Variants in MTMR9 observed in about 807,000 individuals in gnomAD.
The protein encoded by MTMR9 is myotubularin-related protein 9.
In MTMR9, 39 loss-of-function variants were observed where a neutral mutation model predicts 69.5. The observed-to-expected ratio is 0.56, with a 90% confidence interval of 0.43 to 0.73. MTMR9 has a LOEUF of 0.73. MTMR9 is among the 30% of genes least tolerant of loss of function. The pLI is 0.00. For synonymous variants in MTMR9, 354 were observed against 240.8 expected, an observed-to-expected ratio of 1.47 and a Z score of -4.35; for missense variants, 900 against 671.2, an observed-to-expected ratio of 1.34 and a Z score of -3.77.
intron 1 of MTMR9, among the ~76,000 whole-genome samples, chr8:11,288,370 A>G (rs1799268366): frequency 7.0e-6 from 1 of 143,338 alleles, no homozygotes; most frequent in Non-Finnish European, 1.5e-5. Context: ...TATATATATA[A>G]TGATGTCAGG....
At position 11,304,943 on chromosome 8, in the gene MTMR9, C is replaced by T. The variant is rs144999294; in HGVS notation, c.520C>T (p.Arg174Trp). ...VPKSIDDEAL[R>W]KVATFRHGGR... ...CAAATCCATCGATGATGAAGCTCTT[C>T]GGAAGGTAGCTACATTTCGACATGG... is the stretch of plus-strand genomic sequence containing the variant. The change falls in exon 4 of 10, where the codon CGG (arginine) becomes TGG (tryptophan). Residue 174 changes from arginine to tryptophan, a missense_variant. Transcript: ENST00000221086. 6.4e-5 allele frequency: 104 copies of T among 1,613,854 alleles called. No homozygotes were observed. The highest frequency in any genetic ancestry group is 4.5e-5 in the Non-Finnish European group (53 of 1,179,906).
chr8:11,314,971 A>G lies in MTMR9; in HGVS notation c.1020A>G (p.Thr340=), dbSNP rs760026310. The part of the protein sequence containing the change: ...LIHGTEGTDS[T]LQVTSLAQII... ...ACGGAACAGAAGGAACTGATTCCAC[A>G]CTCCAGGTGACCTCCTTGGCCCAGA... Residue 340 remains threonine (T), a synonymous_variant, in exon 7 of 10, where the codon ACA becomes ACG. Coordinates refer to ENST00000221086, the MANE Select transcript of MTMR9 (RefSeq NM_015458.4). 1.9e-6 allele frequency: 3 copies of G among 1,613,888 alleles called. No individual in the cohort carries two copies. The highest frequency in any genetic ancestry group is 2.5e-6 in the Non-Finnish European group (3 of 1,179,878).
intron 6 of MTMR9, among the ~76,000 whole-genome samples, chr8:11,311,566 A>G (rs7003241): frequency 0.36 from 55,271 of 152,144 alleles, 11,325 homozygotes; most frequent in East Asian, 0.71. Flanking sequence ...AAAACAATAT[A>G]CATACCTGAA....
At chr8:11,288,379 G>A (rs1000780058) in intron 1 of MTMR9, among the ~76,000 whole-genome samples, 12 of 143,212 alleles carry the variant, frequency 8.4e-5, no homozygotes, top group African/African-American at 3.1e-4. Flanking sequence ...AATGATGTCA[G>A]GTAATAAGGG....
At chr8:11,306,144 T>G in intron 4 of MTMR9, 46 bp from the exon 5 acceptor site, 1 of 1,560,262 alleles carries the variant, frequency 6.4e-7, no homozygotes, top group South Asian at 1.1e-5. Flanking sequence ...TTTCAGAAAC[T>G]TTAAAAGCAA....
At chr8:11,329,659 C>G (rs1274407058), downstream of MTMR9, among the ~76,000 whole-genome samples, 1 of 152,196 alleles carries the variant, frequency 6.6e-6, no homozygotes, top group African/African-American at 2.4e-5. Context: ...GATCTCGGCT[C>G]GCTACAACCT....
downstream of MTMR9, chr8:11,328,174 C>A (rs1315642959): frequency 1.3e-5 from 2 of 148,206 alleles, no homozygotes; most frequent in Non-Finnish European, 3.0e-5. Flanking sequence ...ATTTTTTTTT[C>A]AAATATTGGT....
chr8:11,331,320 CTGCTCATCTGTCGA>C (rs761108142), downstream of MTMR9: 2 of 1,613,998 alleles, frequency 1.2e-6, no homozygotes, highest in South Asian at 1.1e-5. Flanking sequence ...CTCGCTGGAG[CTGCTCATCTGTCGA>C]TGCCTCTTCC....
intron 2 of MTMR9, among the ~76,000 whole-genome samples, chr8:11,297,636 A>G (rs930454189): frequency 6.6e-6 from 1 of 151,712 alleles, no homozygotes; most frequent in Non-Finnish European, 1.5e-5. Context: ...GGTTGGTGTC[A>G]GAGATGCTGC....
At chr8:11,306,790 C>G (rs1428459390) in intron 5 of MTMR9, among the ~76,000 whole-genome samples, 9 of 152,150 alleles carry the variant, frequency 5.9e-5, no homozygotes, top group African/African-American at 2.2e-4. Flanking sequence ...AATAGACCTA[C>G]AGAACTAATT....
At chr8:11,299,935 C>A in intron 2 of MTMR9, 88 bp from the exon 3 acceptor site, 1 of 1,447,292 alleles carries the variant, frequency 6.9e-7, no homozygotes, top group Non-Finnish European at 9.3e-7. Flanking sequence ...ATTATTAGAC[C>A]ATGTTTGCTT....
intron 6 of MTMR9, 114 bp downstream of exon 6, chr8:11,309,802 G>A: frequency 8.8e-7 from 1 of 1,141,826 alleles, no homozygotes. Flanking sequence ...TTACTGTGTA[G>A]GCTAGTCAAC....
At position 11,301,609 on chromosome 8, in the gene MTMR9, A is replaced by G. The variant is rs190555450; in HGVS notation, c.417+1461A>G. ...CTTCAGTTAGACAGAGATTTTTTAG[A>G]TATGACACCAAAAGTGACTGAAAGC... On this transcript the variant is annotated intron_variant, in intron 3 of 9. Transcript: ENST00000221086. Among the ~76,000 whole-genome samples the G allele has an allele frequency of 1.7e-4, 26 of 152,358 alleles. No homozygotes were observed. The East Asian group carries it at 4.6e-3, about 27-fold the overall frequency.
At chr8:11,304,430 A>G (rs1422861393) in intron 3 of MTMR9, among the ~76,000 whole-genome samples, 1 of 152,212 alleles carries the variant, frequency 6.6e-6, no homozygotes, top group Non-Finnish European at 1.5e-5. Context: ...GTTGGCCGTG[A>G]TAATTGTGGA....
In MTMR9 at chr8:11,304,945, G is replaced by A; in HGVS notation, c.522G>A (p.Arg174=). 6.2e-7 allele frequency: 1 copy of A among 1,613,996 alleles called. No individual in the cohort carries two copies. The highest frequency in any genetic ancestry group is 8.5e-7 in the Non-Finnish European group (1 of 1,179,910). Residue 174 remains arginine (R), a synonymous_variant, in exon 4 of 10, where the codon CGG becomes CGA. Transcript: ENST00000221086. ...VPKSIDDEAL[R]KVATFRHGGR... is the part of the protein sequence containing the mutation. Reference sequence around the variant, plus strand: ...AATCCATCGATGATGAAGCTCTTCGGAAGGTAGCTACATTTCGACATGGAG... The same window carrying A: ...AATCCATCGATGATGAAGCTCTTCGAAAGGTAGCTACATTTCGACATGGAG...
At chr8:11,321,438 A>C (rs1227940631) in intron 9 of MTMR9, 6 of 456,352 alleles carry the variant, frequency 1.3e-5, no homozygotes, top group Non-Finnish European at 2.6e-5. Flanking sequence ...TTTGGGAGAA[A>C]ACCCACATTG....
downstream of MTMR9, among the ~76,000 whole-genome samples, chr8:11,330,425 C>T (rs1255634838): frequency 6.6e-6 from 1 of 152,230 alleles, no homozygotes; most frequent in Non-Finnish European, 1.5e-5. Context: ...GTGTACCCAA[C>T]AGCTCATTGA....
At position 11,304,946 on chromosome 8, in the gene MTMR9, A is replaced by G; in HGVS notation, c.523A>G (p.Lys175Glu). 1 of 1,614,016 alleles carries G rather than the reference A, an allele frequency of 6.2e-7. No homozygotes were observed. The highest frequency in any genetic ancestry group is 8.5e-7 in the Non-Finnish European group (1 of 1,179,914). ...ATCCATCGATGATGAAGCTCTTCGG[A>G]AGGTAGCTACATTTCGACATGGAGG... Reference protein sequence around the residue: ...PKSIDDEALRKVATFRHGGRF... With the variant: ...PKSIDDEALREVATFRHGGRF... The change falls in exon 4 of 10, where the codon AAG becomes GAG. Residue 175 changes from lysine (K) to glutamate (E), a missense_variant. Physicochemically the swap from Lys to Glu is moderately conservative, Grantham distance 56. Coordinates refer to ENST00000221086, the MANE Select transcript of MTMR9 (RefSeq NM_015458.4).
Position 11,322,654 on chromosome 8 carries a change from A to G in MTMR9, c.1516A>G (p.Lys506Glu), listed in dbSNP as rs1800748802. 10 of 1,613,672 alleles carry G rather than the reference A, an allele frequency of 6.2e-6. No homozygotes were observed. The highest frequency in any genetic ancestry group is 2.7e-5 in the African/African-American group (2 of 74,914). The change falls in exon 10 of 10, where the codon AAG becomes GAG. Residue 506 changes from lysine to glutamate, a missense_variant. Lys to Glu is a moderately conservative substitution (Grantham distance 56). Coordinates refer to ENST00000221086, the MANE Select transcript of MTMR9 (RefSeq NM_015458.4). ...GIFLRWNRSS[K>E]YLDEAYEEMV... ...TTTCCTACGTTGGAATAGATCCTCTAAGTATTTGGATGAAGCATATGAAGA... is the reference window on the plus strand; with the variant it reads ...TTTCCTACGTTGGAATAGATCCTCTGAGTATTTGGATGAAGCATATGAAGA...
Sources: gnomAD v4.1 joint callset for allele counts (sites outside exome capture counted in the v4.1 genomes callset) on GRCh38, gnomAD v4.1.1 for gene constraint, MANE v1.5 for transcripts, NCBI Gene and HGNC (gene_info 2026-07-23, HGNC 2026-07-21) for gene names.